The following PPP4R3A variants were observed in gnomAD, a reference collection of about 807,000 sequenced individuals.
The protein encoded by PPP4R3A is protein phosphatase 4 regulatory subunit 3A.
Under a neutral mutation model 91.7 loss-of-function variants are expected in PPP4R3A, and 15 were observed. That is an observed-to-expected ratio of 0.16 (90% CI 0.11 to 0.25). The LOEUF is 0.25. Ranked by LOEUF, PPP4R3A falls within the 10% of genes least tolerant of loss-of-function variation. The probability of loss-of-function intolerance (pLI) is 1.00; values close to 1 mark genes in which losing one functional copy is unlikely to be tolerated. For synonymous variants in PPP4R3A, 377 were observed against 348.7 expected, an observed-to-expected ratio of 1.08 and a Z score of -0.91; for missense variants, 623 against 998.4, an observed-to-expected ratio of 0.62 and a Z score of 5.07.
intron 10 of PPP4R3A, among the ~76,000 whole-genome samples, chr14:91,467,307 A>G (rs1349180196): frequency 6.6e-6 from 1 of 152,164 alleles, no homozygotes; most frequent in Non-Finnish European, 1.5e-5. Context: ...CTCAAAGTAG[A>G]GTGGAGAAAG....
At chr14:91,474,450 GAATC>G (rs1363703087) in intron 7 of PPP4R3A, among the ~76,000 whole-genome samples, 1 of 151,986 alleles carries the variant, frequency 6.6e-6, no homozygotes, top group Non-Finnish European at 1.5e-5. Context: ...AGAAGAGTGG[GAATC>G]AAGAGTCCTA....
chr14:91,492,123 A>G (rs1890263070), intron 1 of PPP4R3A, among the ~76,000 whole-genome samples: 1 of 152,224 alleles, frequency 6.6e-6, no homozygotes. Context: ...ATTAAACAAC[A>G]CAGTGTGAAG....
chr14:91,462,699 T>C (rs115038412), intron 12 of PPP4R3A, 36 bp downstream of exon 12: 3 of 1,611,426 alleles, frequency 1.9e-6, no homozygotes, highest in East Asian at 2.2e-5. Flanking sequence ...TACGACTTGA[T>C]GCTGAACGAA....
intron 13 of PPP4R3A, 150 bp downstream of exon 13, chr14:91,461,899 C>T: frequency 7.8e-7 from 1 of 1,279,730 alleles, no homozygotes; most frequent in Non-Finnish European, 1.0e-6. Flanking sequence ...CTACACAACA[C>T]TGCTATTCAG....
At chr14:91,501,645 C>T (rs891699678) in intron 1 of PPP4R3A, among the ~76,000 whole-genome samples, 13 of 151,088 alleles carry the variant, frequency 8.6e-5, no homozygotes, top group Non-Finnish European at 1.6e-4. Flanking sequence ...AGTGAGATCC[C>T]GCCTCAAAAA....
At chr14:91,473,524 G>GTCATTCCCTAAAGTGTTTCATTCCCT (rs2140094933) in intron 7 of PPP4R3A, among the ~76,000 whole-genome samples, 154 bp from the exon 8 acceptor site, 1 of 152,330 alleles carries the variant, frequency 6.6e-6, no homozygotes, top group Non-Finnish European at 1.5e-5. Flanking sequence ...CAGGACATAT[G>GTCATTCCCTAAAGTGTTTCATTCCCT]ACAGTGTTTC....
intron 3 of PPP4R3A, 135 bp from the exon 4 acceptor site, chr14:91,482,328 T>C: frequency 1.1e-6 from 1 of 948,502 alleles, no homozygotes; most frequent in Non-Finnish European, 1.5e-6. Flanking sequence ...TGCCTACTTT[T>C]CTACATTACA....
chr14:91,473,186 A>G (rs1421070707), intron 8 of PPP4R3A, 51 bp from the exon 9 acceptor site: 7 of 1,613,080 alleles, frequency 4.3e-6, no homozygotes, highest in Non-Finnish European at 5.9e-6. Context: ...GGTTCCTACC[A>G]GCAATACACA....
Position 91,509,879 on chromosome 14 carries a change from C to T in PPP4R3A, c.-232G>A. ...GGCTCCCCGGCGCTATTGTCCAGGCCTGGCGAGCCCGGCGCCCGGCAGCCC... is the reference window on the plus strand; with the variant it reads ...GGCTCCCCGGCGCTATTGTCCAGGCTTGGCGAGCCCGGCGCCCGGCAGCCC... On this transcript the variant is annotated 5_prime_UTR_variant, in exon 1 of 15. Coordinates refer to ENST00000554943, the MANE Select transcript of PPP4R3A (RefSeq NM_001366432.2). 3 of 1,102,930 alleles carry T rather than the reference C, an allele frequency of 2.7e-6. No homozygotes were observed. Among genetic ancestry groups the T allele is most frequent in the Admixed American group, 5.2e-5 (1 of 19,368 alleles). The allele number at this position is 1,102,930 out of a possible 1,614,324, so 68.3% of individuals were successfully genotyped here.
intron 9 of PPP4R3A, among the ~76,000 whole-genome samples, chr14:91,471,655 A>G (rs1392932700): frequency 6.6e-6 from 1 of 152,246 alleles, no homozygotes; most frequent in Non-Finnish European, 1.5e-5. Flanking sequence ...GCTTTACCTA[A>G]TATGAATAAA....
intron 1 of PPP4R3A, among the ~76,000 whole-genome samples, chr14:91,507,372 AT>A (rs1192324972): frequency 1.5e-5 from 1 of 64,542 alleles, no homozygotes; most frequent in Non-Finnish European, 2.8e-5. Flanking sequence ...ATATACTATA[AT>A]TATATATACT....
At chr14:91,494,795 G>A (rs1232311690) in intron 1 of PPP4R3A, among the ~76,000 whole-genome samples, 1 of 152,180 alleles carries the variant, frequency 6.6e-6, no homozygotes, top group Non-Finnish European at 1.5e-5. Context: ...TAACCTGGGA[G>A]GTGGAGGTTG....
intron 4 of PPP4R3A, among the ~76,000 whole-genome samples, chr14:91,478,599 T>C (rs1156943503): frequency 6.6e-6 from 1 of 152,240 alleles, no homozygotes; most frequent in Non-Finnish European, 1.5e-5. Context: ...AAATTATTCA[T>C]ACTTAATGAA....
intron 1 of PPP4R3A, among the ~76,000 whole-genome samples, chr14:91,491,970 C>T (rs1301398568): frequency 6.6e-6 from 1 of 152,154 alleles, no homozygotes; most frequent in African/African-American, 2.4e-5. Flanking sequence ...TCCCAAAGTG[C>T]TGGGACTACA....
chr14:91,509,358 T>A, intron 1 of PPP4R3A, 148 bp downstream of exon 1: 1 of 1,122,850 alleles, frequency 8.9e-7, no homozygotes, highest in East Asian at 2.6e-5. Flanking sequence ...AAGACTGGGG[T>A]ACCTGGGGCC....
At position 91,483,797 on chromosome 14, in the gene PPP4R3A, G is replaced by T. The variant is rs150641516; in HGVS notation, c.298-1604C>A. ...AAAGTTGAAAGGGAGTATCAGAAAA[G>T]AATATTAAAGCAGCTAGTGATAAAA... On this transcript the variant is annotated intron_variant, in intron 3 of 14. Transcript: ENST00000554943. 2.6e-5 allele frequency among the ~76,000 whole-genome samples: 4 copies of T among 152,230 alleles called. No individual in the cohort carries two copies. In the East Asian group the frequency reaches 7.7e-4, roughly 29 times the overall value.
chr14:91,466,763 T>A (rs1888494516), intron 10 of PPP4R3A, among the ~76,000 whole-genome samples: 1 of 152,112 alleles, frequency 6.6e-6, no homozygotes, highest in Admixed American at 6.6e-5. Flanking sequence ...ATTTTTAAGG[T>A]TATTTGACAA....
Position 91,498,715 on chromosome 14 carries a change from C to A in PPP4R3A, c.143-7913G>T, listed in dbSNP as rs572846397. Among the ~76,000 whole-genome samples, 35 of 151,812 alleles carry A rather than the reference C, an allele frequency of 2.3e-4. 1 individual carries two copies. The South Asian group carries it at 7.3e-3, about 32-fold the overall frequency. On this transcript the variant is annotated intron_variant, in intron 1 of 14. Transcript: ENST00000554943. ...GGATCACGAGGTCAGGAGATCGAGACCATCCTGGCTAACACGGTGAAACCC... is the reference window on the plus strand; with the variant it reads ...GGATCACGAGGTCAGGAGATCGAGAACATCCTGGCTAACACGGTGAAACCC...
intron 3 of PPP4R3A, among the ~76,000 whole-genome samples, chr14:91,484,049 C>CT (rs1202337205): frequency 6.6e-6 from 1 of 152,156 alleles, no homozygotes; most frequent in Non-Finnish European, 1.5e-5. Flanking sequence ...AGCCTGAACT[C>CT]ATTAATGTCA....
Sources: allele counts gnomAD v4.1 joint callset (sites outside exome capture counted in the v4.1 genomes callset), GRCh38; gene constraint gnomAD v4.1.1; transcripts MANE v1.5; gene names NCBI Gene and HGNC (gene_info 2026-07-23, HGNC 2026-07-21).